The following TTC39B variants were observed in gnomAD, a reference collection of about 807,000 sequenced individuals.
TTC39B encodes tetratricopeptide repeat domain 39B.
In TTC39B, 92 loss-of-function variants were observed where a neutral mutation model predicts 96.6. The ratio of observed to expected loss-of-function variants is 0.95; its 90% CI spans 0.80 to 1.13. TTC39B has a LOEUF of 1.13. Among genes scored for constraint, TTC39B ranks in the 50% most tolerant of loss-of-function variants. The pLI, the probability that TTC39B is intolerant of heterozygous loss-of-function variation, is 0.00. For missense variants in TTC39B, 955 were observed against 809.3 expected, an observed-to-expected ratio of 1.18 and a Z score of -2.18; for synonymous variants, 367 against 299.4, an observed-to-expected ratio of 1.23 and a Z score of -2.33.
At chr9:15,254,679 A>C (rs1822683813) in intron 2 of TTC39B, among the ~76,000 whole-genome samples, 4 of 152,178 alleles carry the variant, frequency 2.6e-5, no homozygotes, top group Admixed American at 2.6e-4. Context: ...TACCAATCAC[A>C]GGCTTAATTT....
chr9:15,214,988 T>C (rs1564354981), intron 3 of TTC39B, among the ~76,000 whole-genome samples: 1 of 152,162 alleles, frequency 6.6e-6, no homozygotes, highest in South Asian at 2.1e-4. Context: ...CCAGCACGCA[T>C]GTTTGGCTCA....
chr9:15,179,109 T>C (rs1202904511), intron 17 of TTC39B, among the ~76,000 whole-genome samples: 1 of 152,196 alleles, frequency 6.6e-6, no homozygotes, highest in African/African-American at 2.4e-5. Flanking sequence ...CCAAGACAAA[T>C]GTGTGTTAAA....
intron 1 of TTC39B, among the ~76,000 whole-genome samples, chr9:15,305,017 A>G (rs937093878): frequency 1.3e-5 from 2 of 152,202 alleles, no homozygotes; most frequent in Non-Finnish European, 2.9e-5. Context: ...ATCAATATCA[A>G]ATAAAGACTA....
At chr9:15,193,998 T>G (rs1438549508) in intron 8 of TTC39B, among the ~76,000 whole-genome samples, 1 of 152,164 alleles carries the variant, frequency 6.6e-6, no homozygotes, top group East Asian at 1.9e-4. Context: ...AAAAGGGCAT[T>G]GATGAGACAA....
exon 10 of TTC39B, chr9:15,191,224 C>T: frequency 6.2e-7 from 1 of 1,610,052 alleles, no homozygotes; most frequent in Non-Finnish European, 8.5e-7. Context: ...TTCTAGTAGT[C>T]TGATAATCCT....
intron 3 of TTC39B, among the ~76,000 whole-genome samples, chr9:15,217,333 A>G (rs1820577129): frequency 6.6e-6 from 1 of 152,108 alleles, no homozygotes; most frequent in South Asian, 2.1e-4. Context: ...AACAGATACT[A>G]GTCCTCTTGC....
At chr9:15,185,906 C>T (rs1289751672) in intron 15 of TTC39B, among the ~76,000 whole-genome samples, 2 of 152,078 alleles carry the variant, frequency 1.3e-5, no homozygotes, top group African/African-American at 4.8e-5. Flanking sequence ...CAACAATTAA[C>T]GTATAATTTA....
chr9:15,279,142 T>C (rs1478526470), intron 1 of TTC39B, among the ~76,000 whole-genome samples: 2 of 152,240 alleles, frequency 1.3e-5, no homozygotes, highest in Admixed American at 1.3e-4. Context: ...TAATAAATCA[T>C]CTCTACTGTT....
intron 3 of TTC39B, among the ~76,000 whole-genome samples, 190 bp downstream of exon 3, chr9:15,225,727 C>A (rs1821083781): frequency 6.6e-6 from 1 of 152,206 alleles, no homozygotes; most frequent in Non-Finnish European, 1.5e-5. Context: ...GCCACCTATT[C>A]ACTGAGTCCC....
intron 1 of TTC39B, among the ~76,000 whole-genome samples, chr9:15,273,254 A>C (rs1346253807): frequency 6.6e-6 from 1 of 152,218 alleles, no homozygotes; most frequent in African/African-American, 2.4e-5. Context: ...AATACTCTCC[A>C]TTAACTGCCA....
rs868683933 is a variant in TTC39B, at chr9:15,226,767, C to G, written c.276-755G>C. Among the ~76,000 whole-genome samples, 14 of 152,248 alleles carry G rather than the reference C, an allele frequency of 9.2e-5. No individual in the cohort carries two copies. In the South Asian group the frequency reaches 1.7e-3, roughly 18 times the overall value. On this transcript the variant is annotated intron_variant, in intron 2 of 19. Coordinates refer to ENST00000512701, the Ensembl canonical transcript of TTC39B. ...GGCCAGTTTGTTGACCCACAGATAT[C>G]TGACAGGCACACAATGGGGGCAGGT...
chr9:15,269,083 T>G (rs1823242356), intron 1 of TTC39B, among the ~76,000 whole-genome samples: 1 of 152,202 alleles, frequency 6.6e-6, no homozygotes, highest in African/African-American at 2.4e-5. Context: ...TTTGCTCAAT[T>G]ATTCCCATGG....
chr9:15,269,364 TAATG>T (rs201644871), intron 1 of TTC39B, among the ~76,000 whole-genome samples: 1 of 152,102 alleles, frequency 6.6e-6, no homozygotes, highest in Non-Finnish European at 1.5e-5. Context: ...ACTTGTTGCC[TAATG>T]AATGAATGAA....
At chr9:15,167,028 A>ATATTTTTTTT (rs1554758710) in exon 20 of TTC39B, 2 of 11,022 alleles carry the variant, frequency 1.8e-4, no homozygotes, top group Non-Finnish European at 3.1e-4. Context: ...ATATATATAT[A>ATATTTTTTTT]TTTTTTTTTT....
exon 20 of TTC39B, chr9:15,170,219 G>C (rs1208142220): frequency 1.7e-4 from 2 of 12,022 alleles, no homozygotes; most frequent in Admixed American, 7.2e-4. Flanking sequence ...TACATCCTCA[G>C]TGTTGGTCAA....
rs768879040 is a variant in TTC39B at position 15,233,327 on chromosome 9, G to GCCCTCT, written c.276-7321_276-7316dup. Among the ~76,000 whole-genome samples the GCCCTCT allele has an allele frequency of 3.6e-3, 544 of 152,002 alleles. 5 individuals are homozygous for GCCCTCT. The highest frequency in any genetic ancestry group is 0.013 in the African/African-American group (519 of 41,450). ...CAAGGAGAAGGGAGAAGAAAACCTC[G>GCCCTCT]CCCTCTCCCTCTCCCTCTCCCTCTC... On this transcript the variant is annotated intron_variant, in intron 2 of 19. Transcript: ENST00000512701.
chr9:15,181,122 G>C lies in TTC39B; in HGVS notation c.1723+1185C>G, dbSNP rs578041220. On this transcript the variant is annotated intron_variant, in intron 17 of 19. Coordinates refer to ENST00000512701, the Ensembl canonical transcript of TTC39B. ...CCCTCGAATTTTGCCCCCAACCAAT[G>C]GGGGGCTGGGGGTGGTGAAGAGCTT... 3.3e-5 allele frequency among the ~76,000 whole-genome samples: 5 copies of C among 152,230 alleles called. No homozygotes were observed. In the East Asian group the frequency reaches 9.7e-4, roughly 29 times the overall value.
rs77284245 is a variant in TTC39B at position 15,240,883 on chromosome 9, A to G, written c.276-14871T>C. Among the ~76,000 whole-genome samples the G allele has an allele frequency of 0.012, 1,824 of 152,288 alleles. 163 individuals are homozygous for G. In the East Asian group the frequency reaches 0.25, roughly 21 times the overall value. On this transcript the variant is annotated intron_variant, in intron 2 of 19. Coordinates refer to ENST00000512701, the Ensembl canonical transcript of TTC39B. ...TTTCCTGCATTGATAACATGCTTCAATAGGTCTACTATTATATTCCTGAAC... is the reference window on the plus strand; with the variant it reads ...TTTCCTGCATTGATAACATGCTTCAGTAGGTCTACTATTATATTCCTGAAC...
chr9:15,287,481 C>T (rs1824015737), intron 1 of TTC39B, among the ~76,000 whole-genome samples: 1 of 152,174 alleles, frequency 6.6e-6, no homozygotes, highest in African/African-American at 2.4e-5. Flanking sequence ...GATAAGAGTT[C>T]ATTAGGCATG....
Sources: allele counts gnomAD v4.1 joint callset (sites outside exome capture counted in the v4.1 genomes callset), GRCh38; gene constraint gnomAD v4.1.1; transcripts MANE v1.5; gene names NCBI Gene and HGNC (gene_info 2026-07-23, HGNC 2026-07-21).